TENM3: variants seen among roughly 807,000 people sequenced by gnomAD.
TENM3 encodes the protein teneurin transmembrane protein 3, also known as teneurin-3.
A neutral mutation model predicts 255.1 loss-of-function variants in TENM3; 63 were observed. That is an observed-to-expected ratio of 0.25 (90% CI 0.20 to 0.30). The LOEUF (loss-of-function observed/expected upper bound fraction) is 0.30. TENM3 is among the 10% of genes least tolerant of loss of function. The pLI is 1.00. For synonymous variants in TENM3, 1,306 were observed against 1,322.3 expected (o/e 0.99, Z 0.27); for missense variants, 2,929 against 3,461.1 (o/e 0.85, Z 3.86).
Position 182,786,386 on chromosome 4 carries a change from C to G in TENM3, c.5305-2707C>G, listed in dbSNP as rs529826411. On this transcript the variant is annotated intron_variant, in intron 24 of 27. Coordinates refer to ENST00000511685, the MANE Select transcript of TENM3 (RefSeq NM_001080477.4). Reference sequence around the variant, plus strand: ...AGCCTGGCCAACATGGTGAGACCCCCGTCTCTACTAAAAATACAAAAATTA... The same window carrying G: ...AGCCTGGCCAACATGGTGAGACCCCGGTCTCTACTAAAAATACAAAAATTA... Among the ~76,000 whole-genome samples, 9 of 151,952 alleles carry G rather than the reference C, an allele frequency of 5.9e-5. No homozygotes were observed. In the South Asian group the frequency reaches 1.9e-3, roughly 32 times the overall value.
chr4:181,872,453 C>G, the TENM3 span, among the ~76,000 whole-genome samples: 5 of 151,988 alleles, frequency 3.3e-5, no homozygotes, highest in African/African-American at 1.2e-4. Context: ...AGTTATTTTT[C>G]CTGATCCTCC....
intron 1 of TENM3, among the ~76,000 whole-genome samples, chr4:182,249,563 T>TTCCTC (rs1287377552): frequency 6.6e-6 from 1 of 152,116 alleles, no homozygotes; most frequent in Non-Finnish European, 1.5e-5. Context: ...ACTGAACCGC[T>TTCCTC]TCCTCTCACA....
the TENM3 span, among the ~76,000 whole-genome samples, chr4:181,540,887 A>G: frequency 6.6e-5 from 10 of 152,134 alleles, no homozygotes; most frequent in Admixed American, 2.0e-4. Flanking sequence ...GCCTTAAATT[A>G]ATAGAAATAT....
At chr4:182,005,839 T>C in the TENM3 span, among the ~76,000 whole-genome samples, 2 of 152,126 alleles carry the variant, frequency 1.3e-5, no homozygotes, top group African/African-American at 4.8e-5. Context: ...TAAATGTGAA[T>C]GGGAGTTCAT....
chr4:181,771,352 G>A, the TENM3 span, among the ~76,000 whole-genome samples: 46 of 152,328 alleles, frequency 3.0e-4, no homozygotes, highest in African/African-American at 1.0e-3. Flanking sequence ...TGATGCACTG[G>A]AAATGTAATA....
At chr4:182,128,193 T>C in the TENM3 span, among the ~76,000 whole-genome samples, 2 of 152,142 alleles carry the variant, frequency 1.3e-5, no homozygotes, top group Non-Finnish European at 2.9e-5. Context: ...CTATTTTATA[T>C]GGTAATCCAT....
the TENM3 span, among the ~76,000 whole-genome samples, chr4:181,752,213 G>C: frequency 1.3e-5 from 2 of 152,108 alleles, no homozygotes; most frequent in East Asian, 3.9e-4. Flanking sequence ...TTTCTGACAA[G>C]GTCACCCATA....
At chr4:182,585,513 T>G (rs1745929414) in intron 3 of TENM3, among the ~76,000 whole-genome samples, 1 of 152,172 alleles carries the variant, frequency 6.6e-6, no homozygotes, top group Admixed American at 6.5e-5. Context: ...TCTCCTGCAT[T>G]GCTCCCCTGC....
the TENM3 span, among the ~76,000 whole-genome samples, chr4:181,625,258 T>C: frequency 6.6e-6 from 1 of 152,184 alleles, no homozygotes. Context: ...GCCTTGAGAA[T>C]GCATAACCAG....
the TENM3 span, among the ~76,000 whole-genome samples, chr4:181,699,930 CA>C: frequency 1.3e-5 from 2 of 152,132 alleles, no homozygotes; most frequent in Admixed American, 6.5e-5. Context: ...AAGATAATGA[CA>C]AATGAGCGTA....
At chr4:182,600,866 T>A (rs1289265032) in intron 3 of TENM3, 58 bp from the exon 4 acceptor site, 1 of 585,982 alleles carries the variant, frequency 1.7e-6, no homozygotes, top group Non-Finnish European at 2.5e-6. Flanking sequence ...AGTGTGTATA[T>A]ACATATATAT....
intron 1 of TENM3, among the ~76,000 whole-genome samples, chr4:182,291,097 G>A (rs781638213): frequency 6.6e-5 from 10 of 151,898 alleles, no homozygotes; most frequent in Non-Finnish European, 1.0e-4. Context: ...CTGGGATTAC[G>A]AGTGTGAGCC....
chr4:182,552,763 G>T (rs1038828141), intron 3 of TENM3, among the ~76,000 whole-genome samples: 1 of 152,216 alleles, frequency 6.6e-6, no homozygotes, highest in African/African-American at 2.4e-5. Flanking sequence ...GGTTAGACTT[G>T]AGAGTCTAAG....
At chr4:181,820,564 A>G in the TENM3 span, among the ~76,000 whole-genome samples, 4 of 152,046 alleles carry the variant, frequency 2.6e-5, no homozygotes. Flanking sequence ...CTTTGATTGT[A>G]CTGTTTTCTT....
chr4:182,770,802 G>A (rs1439428375), intron 22 of TENM3, among the ~76,000 whole-genome samples: 1 of 152,174 alleles, frequency 6.6e-6, no homozygotes, highest in African/African-American at 2.4e-5. Flanking sequence ...GCACGGAAAG[G>A]CTGTTCTGAA....
chr4:181,557,514 CT>C, the TENM3 span, among the ~76,000 whole-genome samples: 1 of 152,074 alleles, frequency 6.6e-6, no homozygotes, highest in Non-Finnish European at 1.5e-5. Flanking sequence ...GTACACACGT[CT>C]CCATATATTT....
the TENM3 span, among the ~76,000 whole-genome samples, chr4:181,625,639 C>T: frequency 1.3e-5 from 2 of 151,946 alleles, no homozygotes; most frequent in African/African-American, 2.4e-5. Context: ...GATGAAACCC[C>T]GTCTCTACTA....
chr4:182,335,494 CAAAAAAAAAAAA>C lies in TENM3; in HGVS notation c.233-11143_233-11132del, dbSNP rs372965020. On this transcript the variant is annotated intron_variant, in intron 2 of 27. Coordinates refer to ENST00000511685, the MANE Select transcript of TENM3 (RefSeq NM_001080477.4). ...TGGGCGACAGAGCGAGACTCCGCCT[CAAAAAAAAAAAA>C]AAAAAAAAAAAAAGACGAAGCATTT... Among the ~76,000 whole-genome samples, 15 of 52,398 alleles carry C rather than the reference CAAAAAAAAAAAA, an allele frequency of 2.9e-4. No homozygotes were observed. In the South Asian group the frequency reaches 0.014, roughly 50 times the overall value. The allele number at this position is 52,398 out of a possible 152,430, so 34.4% of individuals were successfully genotyped here. A position where few individuals can be genotyped will look rare whatever the true frequency, so the allele number is the denominator to read the frequency against.
the TENM3 span, among the ~76,000 whole-genome samples, chr4:181,485,429 T>C: frequency 6.6e-6 from 1 of 152,112 alleles, no homozygotes; most frequent in African/African-American, 2.4e-5. Flanking sequence ...TGACGCATTA[T>C]TCATCACTTG....
Sources: allele counts gnomAD v4.1 joint callset (sites outside exome capture counted in the v4.1 genomes callset), GRCh38; gene constraint gnomAD v4.1.1; transcripts MANE v1.5; gene names NCBI Gene and HGNC (gene_info 2026-07-23, HGNC 2026-07-21).